Variants in SULT1A1 observed in about 807,000 individuals in gnomAD.
SULT1A1 encodes the protein sulfotransferase 1A1.
Under a neutral mutation model 36.8 loss-of-function variants are expected in SULT1A1, and 35 were observed. The ratio of observed to expected loss-of-function variants is 0.95; its 90% CI spans 0.73 to 1.26. SULT1A1 has a LOEUF of 1.26. SULT1A1 is among the 50% of genes most tolerant of loss of function. The pLI is 0.00. For missense variants in SULT1A1, 309 were observed against 383.0 expected (o/e 0.81, Z 1.61); for synonymous variants, 119 against 146.0 (o/e 0.82, Z 1.33).
chr16:28,605,644 G>T lies in SULT1A1; in HGVS notation c.*177C>A. On this transcript the variant is annotated 3_prime_UTR_variant, in exon 8 of 8. Coordinates refer to ENST00000314752, the MANE Select transcript of SULT1A1 (RefSeq NM_001055.4). ...TATTTTTTTAACAGAATCTCACTAT[G>T]TTGCCCAGGTTGGTCTCGAACTCCT... 1.0e-6 allele frequency: 1 copy of T among 989,018 alleles called. No homozygotes were observed. The highest frequency in any genetic ancestry group is 1.5e-6 in the Non-Finnish European group (1 of 654,418). 61.3% of individuals were successfully genotyped at this position (989,018 alleles called of 1,614,324 possible). A position where few individuals can be genotyped will look rare whatever the true frequency, so the allele number is the denominator to read the frequency against.
chr16:28,622,102 G>A (rs144610256), intron 1 of SULT1A1, among the ~76,000 whole-genome samples: 7 of 151,990 alleles, frequency 4.6e-5, no homozygotes, highest in Admixed American at 2.6e-4. Context: ...CAACCTATGC[G>A]CTAGCATCAT....
intron 4 of SULT1A1, 69 bp from the exon 5 acceptor site, chr16:28,607,146 G>A: frequency 6.3e-7 from 1 of 1,597,574 alleles, no homozygotes; most frequent in Non-Finnish European, 8.6e-7. Flanking sequence ...CTCATCTCTT[G>A]GATTGGCAAA....
In SULT1A1 at chr16:28,606,678, G is replaced by C. The variant is rs757455705; in HGVS notation, c.594+83C>G. The C allele has an allele frequency of 1.9e-3, 3,001 of 1,570,940 alleles. 66 individuals carry two copies. Among genetic ancestry groups the C allele is most frequent in the Non-Finnish European group, 2.4e-3 (2,818 of 1,153,012 alleles). ...TCCTGCTGTGGGGGCTGCCCAGGGAGGGGGCTGGGTGGCCTTGGCGGGTCC... is the reference window on the plus strand; with the variant it reads ...TCCTGCTGTGGGGGCTGCCCAGGGACGGGGCTGGGTGGCCTTGGCGGGTCC... On this transcript the variant is annotated intron_variant, in intron 6 of 7. Transcript: ENST00000314752.
intron 6 of SULT1A1, 122 bp from the exon 7 acceptor site, chr16:28,606,358 A>G: frequency 6.5e-7 from 1 of 1,532,622 alleles, no homozygotes; most frequent in Non-Finnish European, 8.9e-7. Flanking sequence ...TGCAGAGCCA[A>G]CTCCTCAACC....
chr16:28,615,554 C>G (rs1398478927), intron 2 of SULT1A1, among the ~76,000 whole-genome samples: 2 of 150,748 alleles, frequency 1.3e-5, no homozygotes, highest in Non-Finnish European at 3.0e-5. Context: ...GACCCCGAGG[C>G]CTTGTTAGTC....
At chr16:28,606,281 C>T in intron 6 of SULT1A1, 45 bp from the exon 7 acceptor site, 2 of 1,611,468 alleles carry the variant, frequency 1.2e-6, no homozygotes, top group Non-Finnish European at 1.7e-6. Context: ...ATTACTGATT[C>T]AGGAAAAGTA....
chr16:28,611,591 T>C (rs1481557917), upstream of SULT1A1: 5 of 151,992 alleles, frequency 3.3e-5, no homozygotes, highest in African/African-American at 9.7e-5. Flanking sequence ...CCACACCTTG[T>C]AGGGCATGAG....
intron 2 of SULT1A1, among the ~76,000 whole-genome samples, chr16:28,617,610 C>A (rs1268546334): frequency 6.6e-6 from 1 of 151,834 alleles, no homozygotes; most frequent in African/African-American, 2.4e-5. Flanking sequence ...GGCACGATCT[C>A]AGCTCACTGC....
chr16:28,608,910 C>G (rs904270116), intron 1 of SULT1A1, 51 bp from the exon 2 acceptor site: 3 of 1,611,038 alleles, frequency 1.9e-6, no homozygotes, highest in African/African-American at 2.7e-5. Context: ...ATCACAACAG[C>G]AAGAAAGTGG....
chr16:28,623,155 T>A, exon 1 of SULT1A1: 2 of 1,349,534 alleles, frequency 1.5e-6, no homozygotes, highest in Non-Finnish European at 2.0e-6. Context: ...GAGACCGCGA[T>A]GGGCGCACCG....
rs761682302 is a variant in SULT1A1, at chr16:28,605,866, C to G, written c.843G>C (p.Ala281=). The G allele has an allele frequency of 1.2e-6, 2 of 1,609,662 alleles. No individual in the cohort carries two copies. Among genetic ancestry groups the G allele is most frequent in the Non-Finnish European group, 1.7e-6 (2 of 1,178,174 alleles). Residue 281 remains alanine, a synonymous_variant, in exon 8 of 8, where the codon GCG becomes GCC. Transcript: ENST00000314752. The stretch of plus-strand genomic sequence containing the variant: ...TGAGGCTGCAGCCTGCCATCTTCTC[C>G]GCATAGTCCGCATCGAAGCGCTCAT... ...AQNERFDADY[A]EKMAGCSLSF...
chr16:28,618,746 C>A (rs2047595326), intron 2 of SULT1A1, among the ~76,000 whole-genome samples: 1 of 152,200 alleles, frequency 6.6e-6, no homozygotes, highest in African/African-American at 2.4e-5. Flanking sequence ...CCTTCTCCTT[C>A]ACTATCAATA....
chr16:28,620,330 C>T (rs1177071093), intron 1 of SULT1A1, among the ~76,000 whole-genome samples: 3 of 151,266 alleles, frequency 2.0e-5, no homozygotes, highest in East Asian at 1.9e-4. Context: ...TTTGGGAGGC[C>T]GAGGCAGGCA....
chr16:28,606,312 C>A (rs2047184207), intron 6 of SULT1A1, 76 bp from the exon 7 acceptor site: 1 of 1,603,822 alleles, frequency 6.2e-7, no homozygotes, highest in African/African-American at 1.3e-5. Context: ...CCTTCTCTAA[C>A]CTCAGAGGCG....
chr16:28,605,739 C>T lies in SULT1A1; in HGVS notation c.*82G>A. ...TACAGACATGACCTACCGTCCCGGGCCCTCAATTCATATTTTATTCTTGAG... is the reference window on the plus strand; with the variant it reads ...TACAGACATGACCTACCGTCCCGGGTCCTCAATTCATATTTTATTCTTGAG... On this transcript the variant is annotated 3_prime_UTR_variant, in exon 8 of 8. Transcript: ENST00000314752. 3 of 1,595,166 alleles carry T rather than the reference C, an allele frequency of 1.9e-6. 1 individual carries two copies. The Admixed American group carries it at 5.2e-5, about 28-fold the overall frequency.
At chr16:28,606,621 C>A (rs1203766424) in intron 6 of SULT1A1, 140 bp downstream of exon 6, 1 of 1,373,860 alleles carries the variant, frequency 7.3e-7, no homozygotes, top group Non-Finnish European at 9.9e-7. Flanking sequence ...AGTGGGGAGG[C>A]CTGGGCCAAG....
upstream of SULT1A1, chr16:28,610,386 G>A (rs1262541794): frequency 2.1e-6 from 1 of 467,788 alleles, no homozygotes. Flanking sequence ...CAAGAGAGGG[G>A]AGGGATTGGA....
chr16:28,622,487 C>G (rs2047676190), intron 1 of SULT1A1, among the ~76,000 whole-genome samples: 1 of 152,096 alleles, frequency 6.6e-6, no homozygotes, highest in South Asian at 2.1e-4. Context: ...ATCCAAGGTC[C>G]CTTGATGTTT....
chr16:28,610,155 A>G (rs1405710658), upstream of SULT1A1: 4 of 1,285,486 alleles, frequency 3.1e-6, no homozygotes, highest in African/African-American at 1.5e-5. Flanking sequence ...AGCTGGAGAC[A>G]AGCTTAAAGT....
Sources: gnomAD v4.1 joint callset for allele counts (sites outside exome capture counted in the v4.1 genomes callset) on GRCh38, gnomAD v4.1.1 for gene constraint, MANE v1.5 for transcripts, NCBI Gene and HGNC (gene_info 2026-07-23, HGNC 2026-07-21) for gene names.